JDP2: variants seen among roughly 807,000 people sequenced by gnomAD.
JDP2 encodes the protein progesterone receptor co-activator.
In JDP2, 9 loss-of-function variants were observed where a neutral mutation model predicts 17.1. The ratio of observed to expected loss-of-function variants is 0.53; its 90% CI spans 0.32 to 0.92. The LOEUF (loss-of-function observed/expected upper bound fraction) is 0.92. Among genes scored for constraint, JDP2 ranks in the 40% least tolerant of loss-of-function variants. JDP2 has a pLI of 0.04. For synonymous variants in JDP2, 107 were observed against 95.6 expected (o/e 1.12, Z -0.69); for missense variants, 179 against 220.0 (o/e 0.81, Z 1.18).
intron 3 of JDP2, among the ~76,000 whole-genome samples, chr14:75,462,917 A>G (rs1009834811): frequency 6.6e-6 from 1 of 152,192 alleles, no homozygotes; most frequent in African/African-American, 2.4e-5. Flanking sequence ...GTTGGAAGAG[A>G]TGGTGCTACA....
At chr14:75,440,575 A>G (rs995673849) in intron 2 of JDP2, among the ~76,000 whole-genome samples, 14 of 152,252 alleles carry the variant, frequency 9.2e-5, no homozygotes, top group African/African-American at 3.4e-4. Flanking sequence ...CTTAACATGC[A>G]TGACTTCATT....
intron 3 of JDP2, among the ~76,000 whole-genome samples, chr14:75,467,554 A>C (rs1190524195): frequency 6.6e-6 from 1 of 152,174 alleles, no homozygotes; most frequent in Non-Finnish European, 1.5e-5. Flanking sequence ...CCCTTGAGGC[A>C]GGGGCTCAGG....
rs537491174 is a variant in JDP2, at chr14:75,465,496, AT to A, written c.307-3790del. On this transcript the variant is annotated intron_variant, in intron 3 of 3. Coordinates refer to ENST00000651602, the MANE Select transcript of JDP2 (RefSeq NM_001135048.2). ...ACAAGCACACGACCATGCCTGGCTA[AT>A]TTTCTGTTTTTTTGTAGAGACCGGG... 2.9e-3 allele frequency among the ~76,000 whole-genome samples: 447 copies of A among 151,938 alleles called. 1 individual carries two copies. Among genetic ancestry groups the A allele is most frequent in the African/African-American group, 0.01 (428 of 41,428 alleles).
chr14:75,465,326 T>TTTGTTG (rs1886524715), intron 3 of JDP2, among the ~76,000 whole-genome samples: 1 of 152,098 alleles, frequency 6.6e-6, no homozygotes, highest in African/African-American at 2.4e-5. Context: ...CAGATGGTCT[T>TTTGTTG]TTGTTGTTGC....
intron 2 of JDP2, among the ~76,000 whole-genome samples, chr14:75,455,904 C>T (rs1466758060): frequency 2.0e-5 from 3 of 149,018 alleles, no homozygotes; most frequent in Admixed American, 2.0e-4. Context: ...CCACCTCTGC[C>T]TTTTATTGGC....
chr14:75,434,292 C>G (rs746741690), intron 1 of JDP2, among the ~76,000 whole-genome samples: 11 of 152,314 alleles, frequency 7.2e-5, no homozygotes, highest in Non-Finnish European at 1.3e-4. Flanking sequence ...TCAGCTCCTC[C>G]ATCTTCTATC....
At chr14:75,443,311 A>G (rs78493330) in intron 2 of JDP2, among the ~76,000 whole-genome samples, 19,499 of 152,194 alleles carry the variant, frequency 0.13, 1,575 homozygotes, top group Middle Eastern at 0.19. Flanking sequence ...TTGTGTTTTT[A>G]GTGATTTGAA....
rs60372002 is a variant in JDP2 at position 75,430,249 on chromosome 14, C to G, written c.-24+1997C>G. On this transcript the variant is annotated intron_variant, in intron 1 of 3. Coordinates refer to ENST00000651602, the MANE Select transcript of JDP2 (RefSeq NM_001135048.2). This position sits in a 1 kb window ranked among gnomAD's most constrained non-coding sequence, Gnocchi z 4.5. Reference sequence around the variant, plus strand: ...TGGTGTTGCAATGGGCTGTCTCTCTCGAGTGTCTGTTTCCAGCTCCACTCT... The same window carrying G: ...TGGTGTTGCAATGGGCTGTCTCTCTGGAGTGTCTGTTTCCAGCTCCACTCT... Among the ~76,000 whole-genome samples the G allele has an allele frequency of 0.014, 2,090 of 152,224 alleles. 46 individuals carry two copies. Among genetic ancestry groups the G allele is most frequent in the African/African-American group, 0.047 (1,968 of 41,512 alleles).
chr14:75,445,484 C>T, intron 2 of JDP2: 2 of 985,414 alleles, frequency 2.0e-6, no homozygotes, highest in Non-Finnish European at 2.4e-6. Context: ...CCTACCAACT[C>T]CCCAGTCCCC....
At position 75,454,757 on chromosome 14, in the gene JDP2, G is replaced by A. The variant is rs114082262; in HGVS notation, c.202-6669G>A. On this transcript the variant is annotated intron_variant, in intron 2 of 3. Coordinates refer to ENST00000651602, the MANE Select transcript of JDP2 (RefSeq NM_001135048.2). ...AGGAGCAGCAAGTACAAACCCGGGG[G>A]ACAGGGAAGAACTTGTCGTTTTGAG... 1.8e-3 allele frequency among the ~76,000 whole-genome samples: 269 copies of A among 152,254 alleles called. 1 individual carries two copies. Among genetic ancestry groups the A allele is most frequent in the African/African-American group, 6.2e-3 (256 of 41,528 alleles).
At position 75,435,939 on chromosome 14, in the gene JDP2, C is replaced by T. The variant is rs772706730; in HGVS notation, c.-23-1959C>T. Among the ~76,000 whole-genome samples, 168 of 152,176 alleles carry T rather than the reference C, an allele frequency of 1.1e-3. 6 individuals carry two copies. Among genetic ancestry groups the T allele is most frequent in the Non-Finnish European group, 3.8e-4 (26 of 68,024 alleles). ...GGCAGAGGCTTTATGACAGATGCAG[C>T]AGGCATGCTGAGGATGAAATGGCGG... On this transcript the variant is annotated intron_variant, in intron 1 of 3. Transcript: ENST00000651602.
In JDP2 at chr14:75,445,399, C is replaced by T. The variant is rs1471805206; in HGVS notation, c.201+7278C>T. On this transcript the variant is annotated intron_variant, in intron 2 of 3. Transcript: ENST00000651602. ...GCTCTGCTCTGTGGCTACAGGATCC[C>T]CTTTTACTGAGCGTAGTGCATGTGT... 7 of 985,420 alleles carry T rather than the reference C, an allele frequency of 7.1e-6. No individual in the cohort carries two copies. In the East Asian group the frequency reaches 6.8e-4, roughly 96 times the overall value. The allele number at this position is 985,420 out of a possible 1,614,324, so 61.0% of individuals were successfully genotyped here. A position where few individuals can be genotyped will look rare whatever the true frequency, so the allele number is the denominator to read the frequency against.
chr14:75,445,690 G>A lies in JDP2; in HGVS notation c.201+7569G>A, dbSNP rs916341536. ...CTCAAAATGGATCGAAGGCCTAAATGTAAGAGTGAAAACTAGAAAACTCTT... is the reference window on the plus strand; with the variant it reads ...CTCAAAATGGATCGAAGGCCTAAATATAAGAGTGAAAACTAGAAAACTCTT... On this transcript the variant is annotated intron_variant, in intron 2 of 3. Coordinates refer to ENST00000651602, the MANE Select transcript of JDP2 (RefSeq NM_001135048.2). The A allele has an allele frequency of 3.8e-5, 26 of 682,804 alleles. No individual in the cohort carries two copies. In the East Asian group the frequency reaches 5.4e-4, roughly 14 times the overall value. 42.3% of individuals were successfully genotyped at this position (682,804 alleles called of 1,614,324 possible).
intron 3 of JDP2, among the ~76,000 whole-genome samples, chr14:75,466,305 G>T (rs1184330364): frequency 6.6e-6 from 1 of 152,174 alleles, no homozygotes; most frequent in Non-Finnish European, 1.5e-5. Context: ...GCCAGGCGTG[G>T]TGGCACATGC....
intron 2 of JDP2, among the ~76,000 whole-genome samples, chr14:75,452,579 G>T (rs1235186857): frequency 6.6e-6 from 1 of 152,178 alleles, no homozygotes; most frequent in Non-Finnish European, 1.5e-5. Flanking sequence ...GTTTTGTTTG[G>T]CTCATGCGGT....
At position 75,461,422 on chromosome 14, in the gene JDP2, A is replaced by T; in HGVS notation, c.202-4A>T. 4 of 1,600,614 alleles carry T rather than the reference A, an allele frequency of 2.5e-6. No individual in the cohort carries two copies. The highest frequency in any genetic ancestry group is 3.4e-6 in the Non-Finnish European group (4 of 1,174,410). ...GTCTAATCAGTGGCTCTGTGCCCTCACAGCTAGATGAGGAAGAGGAGCGAA... is the reference window on the plus strand; with the variant it reads ...GTCTAATCAGTGGCTCTGTGCCCTCTCAGCTAGATGAGGAAGAGGAGCGAA... On this transcript the variant is annotated splice_polypyrimidine_tract_variant and splice_region_variant and intron_variant, in intron 2 of 3. Transcript: ENST00000651602.
chr14:75,432,345 C>T (rs752008726), intron 1 of JDP2: 38 of 1,551,194 alleles, frequency 2.4e-5, no homozygotes, highest in South Asian at 2.4e-4. Flanking sequence ...AGGTACTATG[C>T]GCCATGACCC....
Position 75,470,598 on chromosome 14 carries a change from C to T in JDP2, c.*1123C>T, listed in dbSNP as rs1886782495. 6.6e-6 allele frequency: 1 copy of T among 152,202 alleles called. No homozygotes were observed. Among genetic ancestry groups the T allele is most frequent in the Admixed American group, 6.5e-5 (1 of 15,286 alleles). 9.4% of individuals were successfully genotyped at this position (152,202 alleles called of 1,614,324 possible). ...AGATGAGGAAGCTAAGGCTCAGAGA[C>T]ATTAAGCCACCTGCAGTTACTATTT... is the stretch of plus-strand genomic sequence containing the variant. On this transcript the variant is annotated 3_prime_UTR_variant, in exon 4 of 4. Coordinates refer to ENST00000651602, the MANE Select transcript of JDP2 (RefSeq NM_001135048.2).
At position 75,472,314 on chromosome 14, in the gene JDP2, A is replaced by G. The variant is rs1482411323; in HGVS notation, c.*2839A>G. 1 of 152,228 alleles carries G rather than the reference A, an allele frequency of 6.6e-6. No individual in the cohort carries two copies. Among genetic ancestry groups the G allele is most frequent in the Non-Finnish European group, 1.5e-5 (1 of 68,050 alleles). 9.4% of individuals were successfully genotyped at this position (152,228 alleles called of 1,614,324 possible). ...TCACAGGTGTTAGGTGGCAGAGCCAAGATGTTATTGTCAGTCTGACTTCAG... is the reference window on the plus strand; with the variant it reads ...TCACAGGTGTTAGGTGGCAGAGCCAGGATGTTATTGTCAGTCTGACTTCAG... On this transcript the variant is annotated 3_prime_UTR_variant, in exon 4 of 4. Transcript: ENST00000651602.
Sources: allele counts gnomAD v4.1 joint callset (sites outside exome capture counted in the v4.1 genomes callset), GRCh38; gene constraint gnomAD v4.1.1; non-coding constraint Gnocchi (gnomAD v3.1); transcripts MANE v1.5; gene names NCBI Gene and HGNC (gene_info 2026-07-23, HGNC 2026-07-21).